ABCA4: variants seen among roughly 807,000 people sequenced by gnomAD.
The protein encoded by ABCA4 is ATP binding cassette subfamily A member 4.
A neutral mutation model predicts 263.7 loss-of-function variants in ABCA4; 196 were observed. That is an observed-to-expected ratio of 0.74 (90% CI 0.66 to 0.84). ABCA4 has a LOEUF of 0.84. ABCA4 is among the 40% of genes least tolerant of loss of function. The pLI is 0.00. For missense variants in ABCA4, 2,792 were observed against 2,855.1 expected (o/e 0.98, Z 0.50); for synonymous variants, 1,133 against 1,094.2 (o/e 1.04, Z -0.70).
At chr1:94,048,800 C>T in intron 18 of ABCA4, 68 bp downstream of exon 18, 2 of 1,477,118 alleles carry the variant, frequency 1.4e-6, no homozygotes, top group Non-Finnish European at 1.9e-6. Context: ...AGATGTTTTG[C>T]TCTGGCCCTC....
At chr1:94,089,953 T>C (rs1244713852) in intron 6 of ABCA4, among the ~76,000 whole-genome samples, 1 of 152,196 alleles carries the variant, frequency 6.6e-6, no homozygotes, top group African/African-American at 2.4e-5. Flanking sequence ...CTGGATTCCA[T>C]CCCAGCAGCT....
chr1:94,105,426 A>T (rs1229937382), intron 4 of ABCA4, among the ~76,000 whole-genome samples: 1 of 152,090 alleles, frequency 6.6e-6, no homozygotes, highest in African/African-American at 2.4e-5. Flanking sequence ...CTGGGGGGGA[A>T]GGGGGAGTGT....
rs191938625 is a variant in ABCA4, at chr1:94,118,663, G to A, written c.66+2317C>T. Among the ~76,000 whole-genome samples the A allele has an allele frequency of 1.4e-3, 216 of 152,328 alleles. 1 individual carries two copies. Among genetic ancestry groups the A allele is most frequent in the African/African-American group, 4.7e-3 (195 of 41,574 alleles). On this transcript the variant is annotated intron_variant, in intron 1 of 49. Transcript: ENST00000370225. ...TCTCAATTTCCAGGCCATCAGGATG[G>A]CATCCAGTGAACGCCAGCCCAGACC...
chr1:94,099,793 C>A (rs1038849452), intron 5 of ABCA4, among the ~76,000 whole-genome samples: 1 of 152,076 alleles, frequency 6.6e-6, no homozygotes, highest in African/African-American at 2.4e-5. Context: ...AACTAGACAC[C>A]CTGCATCTAT....
Position 94,113,213 on chromosome 1 carries a change from TTACC to T in ABCA4, c.67-151_67-148del, listed in dbSNP as rs1351171530. 14 of 757,960 alleles carry T rather than the reference TTACC, an allele frequency of 1.8e-5. No individual in the cohort carries two copies. In the East Asian group the frequency reaches 3.5e-4, roughly 19 times the overall value. The allele number at this position is 757,960 out of a possible 1,614,324, so 47.0% of individuals were successfully genotyped here. The stretch of plus-strand genomic sequence containing the variant: ...TCTTTACCTAAACAGTTTCCTTCCT[TTACC>T]CCCTCCCCACCATACACCCTCTACC... On this transcript the variant is annotated intron_variant, in intron 1 of 49. Coordinates refer to ENST00000370225, the MANE Select transcript of ABCA4 (RefSeq NM_000350.3).
chr1:94,036,728 C>T lies in ABCA4; in HGVS notation c.3862+12G>A. On this transcript the variant is annotated intron_variant, in intron 26 of 49. Transcript: ENST00000370225. The stretch of plus-strand genomic sequence containing the variant: ...CAAGGAAGGGAACAAGCCACTGGCT[C>T]CAGCACCATACCCGCAAACAGAGGT... 6.2e-7 allele frequency: 1 copy of T among 1,613,922 alleles called. No individual in the cohort carries two copies. The highest frequency in any genetic ancestry group is 8.5e-7 in the Non-Finnish European group (1 of 1,179,818).
Position 94,047,070 on chromosome 1 carries a change from G to A in ABCA4, c.2767C>T (p.Pro923Ser), listed in dbSNP as rs1443880828. 6.2e-7 allele frequency: 1 copy of A among 1,614,156 alleles called. No individual in the cohort carries two copies. The highest frequency in any genetic ancestry group is 1.7e-5 in the Admixed American group (1 of 60,028). ...IHDSFFEREH[P>S]GWVPGVCVKN... The stretch of plus-strand genomic sequence containing the variant: ...ACGCATACCCCAGGAACCCACCCTG[G>A]ATGCTCACGTTCAAAGAAGGAGTCT... Residue 923 changes from proline (P) to serine (S), a missense_variant, in exon 19 of 50, where the codon CCA becomes TCA. Coordinates refer to ENST00000370225, the MANE Select transcript of ABCA4 (RefSeq NM_000350.3).
intron 44 of ABCA4, among the ~76,000 whole-genome samples, chr1:94,002,633 T>G (rs1346964029): frequency 1.3e-5 from 2 of 152,196 alleles, no homozygotes; most frequent in African/African-American, 4.8e-5. Flanking sequence ...AAGCTCACCA[T>G]GCTTCTGCCT....
In ABCA4 at chr1:94,047,019, G is replaced by A. The variant is rs771000047; in HGVS notation, c.2818C>T (p.Pro940Ser). ...CGGTCCACAGCTGGCCGGCCACAGGGCTCAAAAATCTTTACCAGATTCTTC... is the reference window on the plus strand; with the variant it reads ...CGGTCCACAGCTGGCCGGCCACAGGACTCAAAAATCTTTACCAGATTCTTC... ...CVKNLVKIFE[P>S]CGRPAVDRLN... The change falls in exon 19 of 50, where the codon CCC becomes TCC. Residue 940 changes from proline to serine, a missense_variant. Coordinates refer to ENST00000370225, the MANE Select transcript of ABCA4 (RefSeq NM_000350.3). The A allele has an allele frequency of 5.0e-6, 8 of 1,614,142 alleles. No individual in the cohort carries two copies. The Middle Eastern group carries it at 4.9e-4, about 100-fold the overall frequency.
chr1:94,074,213 C>T (rs778177225), intron 11 of ABCA4, among the ~76,000 whole-genome samples: 6 of 152,184 alleles, frequency 3.9e-5, no homozygotes, highest in Non-Finnish European at 8.8e-5. Flanking sequence ...TAGCACCACA[C>T]ATCTACAACC....
In ABCA4 at chr1:94,048,914, G is replaced by C; in HGVS notation, c.2697C>G (p.Pro899=). The C allele has an allele frequency of 6.2e-7, 1 of 1,614,014 alleles. No individual in the cohort carries two copies. The highest frequency in any genetic ancestry group is 8.5e-7 in the Non-Finnish European group (1 of 1,180,020). The change falls in exon 18 of 50, where the codon CCC becomes CCG. Residue 899 remains proline, a synonymous_variant. Transcript: ENST00000370225. Reference sequence around the variant, plus strand: ...CTGGATCCTCCGTTTCCTCTGTTAGGGGCTCGGTCTTTTCCAGGGCTCTTT... The same window carrying C: ...CTGGATCCTCCGTTTCCTCTGTTAGCGGCTCGGTCTTTTCCAGGGCTCTTT... ...REERALEKTE[P]LTEETEDPEH...
Position 94,048,713 on chromosome 1 carries a change from C to A in ABCA4, c.2743+155G>T, listed in dbSNP as rs114681343. Among the ~76,000 whole-genome samples the A allele has an allele frequency of 5.9e-3, 904 of 152,282 alleles. 10 individuals carry two copies. The highest frequency in any genetic ancestry group is 0.021 in the African/African-American group (866 of 41,548). ...TTCATTCCACACACATGCAGATGGACCTCTGAGAAGGGATCTGGTTTAACA... is the reference window on the plus strand; with the variant it reads ...TTCATTCCACACACATGCAGATGGAACTCTGAGAAGGGATCTGGTTTAACA... On this transcript the variant is annotated intron_variant, in intron 18 of 49. Coordinates refer to ENST00000370225, the MANE Select transcript of ABCA4 (RefSeq NM_000350.3).
chr1:94,116,990 C>CTTTCTTTA (rs1484877218), intron 1 of ABCA4, among the ~76,000 whole-genome samples: 1 of 113,614 alleles, frequency 8.8e-6, no homozygotes, highest in Non-Finnish European at 1.9e-5. Flanking sequence ...TTCTTTCTTT[C>CTTTCTTTA]TTTCTTTCTT....
intron 21 of ABCA4, among the ~76,000 whole-genome samples, 186 bp downstream of exon 21, chr1:94,043,150 G>A (rs927862168): frequency 6.6e-6 from 1 of 152,208 alleles, no homozygotes; most frequent in Non-Finnish European, 1.5e-5. Context: ...TAAAACCCAG[G>A]CTGCTGTGAG....
At chr1:94,081,804 G>A (rs529315089) in intron 7 of ABCA4, among the ~76,000 whole-genome samples, 420 of 152,344 alleles carry the variant, frequency 2.8e-3, no homozygotes, top group African/African-American at 5.1e-3. Context: ...CTGTAATGCC[G>A]AGAACTCAGG....
At chr1:94,071,843 G>T (rs1036622026) in intron 11 of ABCA4, among the ~76,000 whole-genome samples, 2 of 152,196 alleles carry the variant, frequency 1.3e-5, no homozygotes, top group African/African-American at 4.8e-5. Context: ...TTAGGATCTA[G>T]TTCATGGCTC....
At chr1:94,106,301 A>G (rs1662432246) in intron 4 of ABCA4, among the ~76,000 whole-genome samples, 2 of 152,170 alleles carry the variant, frequency 1.3e-5, no homozygotes, top group Admixed American at 6.5e-5. Context: ...TCATATCCAC[A>G]TTGTAAAAGC....
chr1:94,057,541 T>C (rs1470322234), intron 14 of ABCA4, among the ~76,000 whole-genome samples: 5 of 152,228 alleles, frequency 3.3e-5, no homozygotes, highest in African/African-American at 1.2e-4. Flanking sequence ...CCGTCATCTA[T>C]ACTTGATTTT....
At chr1:94,041,185 G>T in intron 23 of ABCA4, 24 bp downstream of exon 23, 1 of 1,613,540 alleles carries the variant, frequency 6.2e-7, no homozygotes, top group Non-Finnish European at 8.5e-7. Context: ...CCAGGCCAGG[G>T]TCCTTCCCTG....
Sources: allele counts gnomAD v4.1 joint callset (sites outside exome capture counted in the v4.1 genomes callset), GRCh38; gene constraint gnomAD v4.1.1; transcripts MANE v1.5; gene names NCBI Gene and HGNC (gene_info 2026-07-23, HGNC 2026-07-21).